GNB4: variants seen among roughly 807,000 people sequenced by gnomAD.
GNB4 encodes G protein subunit beta 4, also known as guanine nucleotide-binding protein subunit beta-4.
In GNB4, 28 loss-of-function variants were observed where a neutral mutation model predicts 45.2. The ratio of observed to expected loss-of-function variants is 0.62; its 90% CI spans 0.46 to 0.85. The LOEUF (loss-of-function observed/expected upper bound fraction) is 0.85. Among genes scored for constraint, GNB4 ranks in the 40% least tolerant of loss-of-function variants. The pLI, the probability that GNB4 is intolerant of heterozygous loss-of-function variation, is 0.00. For synonymous variants in GNB4, 132 were observed against 143.7 expected (o/e 0.92, Z 0.58); for missense variants, 321 against 425.4 (o/e 0.75, Z 2.16).
the GNB4 span, among the ~76,000 whole-genome samples, chr3:179,517,310 C>T: frequency 6.6e-6 from 1 of 152,194 alleles, no homozygotes; most frequent in Non-Finnish European, 1.5e-5. Flanking sequence ...GAACAACCCC[C>T]CTTTGACTGT....
At chr3:179,405,533 C>T in intron 8 of GNB4, 127 bp from the exon 9 acceptor site, 1 of 612,802 alleles carries the variant, frequency 1.6e-6, no homozygotes, top group Non-Finnish European at 2.8e-6. Context: ...ATGTTGGGCA[C>T]TAAAGATTCT....
chr3:179,406,356 G>A (rs1714470055), intron 8 of GNB4, among the ~76,000 whole-genome samples: 1 of 151,996 alleles, frequency 6.6e-6, no homozygotes, highest in Non-Finnish European at 1.5e-5. Context: ...CTCTTATCCT[G>A]TATTATATGT....
chr3:179,425,544 C>T (rs1240901536), intron 2 of GNB4, among the ~76,000 whole-genome samples: 7 of 152,256 alleles, frequency 4.6e-5, no homozygotes, highest in East Asian at 1.9e-4. Flanking sequence ...GAGTTCAGCT[C>T]GTTGCAACCT....
At chr3:179,464,487 C>T in the GNB4 span, 2 of 1,611,212 alleles carry the variant, frequency 1.2e-6, no homozygotes. Flanking sequence ...ACTGGCCCAG[C>T]AGATCAAGCA....
the GNB4 span, among the ~76,000 whole-genome samples, chr3:179,513,583 G>A: frequency 2.2e-4 from 34 of 151,986 alleles, no homozygotes; most frequent in Admixed American, 8.5e-4. Flanking sequence ...TTTTTAGGAT[G>A]AGTGCTTCTG....
At position 179,399,794 on chromosome 3, in the gene GNB4, C is replaced by T. The variant is rs887593071; in HGVS notation, c.*1419G>A. On this transcript the variant is annotated 3_prime_UTR_variant, in exon 10 of 10. Coordinates refer to ENST00000232564, the MANE Select transcript of GNB4 (RefSeq NM_021629.4). ...AGTAACTAAGTTACAAAACAATGCA[C>T]GTCTATATATCAGAATAATCCAAGA... The T allele has an allele frequency of 3.3e-5, 5 of 152,156 alleles. No homozygotes were observed. The highest frequency in any genetic ancestry group is 2.1e-4 in the South Asian group (1 of 4,834). The allele number at this position is 152,156 out of a possible 1,614,324, so 9.4% of individuals were successfully genotyped here.
At chr3:179,463,477 G>C in the GNB4 span, among the ~76,000 whole-genome samples, 2 of 152,110 alleles carry the variant, frequency 1.3e-5, no homozygotes, top group Admixed American at 1.3e-4. Context: ...TTTATTATGA[G>C]CCAGGCACTC....
chr3:179,520,631 C>G, the GNB4 span, among the ~76,000 whole-genome samples: 2 of 152,156 alleles, frequency 1.3e-5, no homozygotes, highest in African/African-American at 4.8e-5. Flanking sequence ...CATATACTTT[C>G]TGCTCCCCGG....
rs570524540 is a variant in GNB4 at position 179,447,962 on chromosome 3, C to T, written c.-43+3384G>A. 4.1e-4 allele frequency among the ~76,000 whole-genome samples: 62 copies of T among 152,204 alleles called. No homozygotes were observed. The Middle Eastern group carries it at 0.01, about 25-fold the overall frequency. On this transcript the variant is annotated intron_variant, in intron 1 of 9. Transcript: ENST00000232564. Reference sequence around the variant, plus strand: ...CGGTGTCCCAGAAGCCAAGGGGAAACGACATTTTGATAGGGAAGGAGTTAT... The same window carrying T: ...CGGTGTCCCAGAAGCCAAGGGGAAATGACATTTTGATAGGGAAGGAGTTAT...
At chr3:179,408,605 A>G (rs962169878) in intron 8 of GNB4, among the ~76,000 whole-genome samples, 5 of 151,918 alleles carry the variant, frequency 3.3e-5, no homozygotes, top group Non-Finnish European at 7.4e-5. Context: ...AGCCTGGCCA[A>G]TGTAATAAAA....
At chr3:179,478,232 G>A in the GNB4 span, among the ~76,000 whole-genome samples, 1 of 152,112 alleles carries the variant, frequency 6.6e-6, no homozygotes, top group South Asian at 2.1e-4. Flanking sequence ...AACCCCTCAT[G>A]ACTTAATCAC....
intron 1 of GNB4, among the ~76,000 whole-genome samples, chr3:179,431,703 T>TCAGGTTCAATATATTTGG (rs1715316997): frequency 6.6e-6 from 1 of 152,202 alleles, no homozygotes; most frequent in African/African-American, 2.4e-5. Context: ...TAGATTATAT[T>TCAGGTTCAATATATTTGG]CAGGTTCAAT....
intron 1 of GNB4, among the ~76,000 whole-genome samples, chr3:179,432,617 CTG>C (rs1182827638): frequency 6.6e-6 from 1 of 152,206 alleles, no homozygotes; most frequent in Non-Finnish European, 1.5e-5. Context: ...AGTGGCCAAA[CTG>C]TATTGACATG....
the GNB4 span, among the ~76,000 whole-genome samples, chr3:179,514,555 A>G: frequency 6.6e-6 from 1 of 152,202 alleles, no homozygotes; most frequent in South Asian, 2.1e-4. Flanking sequence ...ATGTACCCGT[A>G]TTTGGAGATA....
chr3:179,439,032 G>A (rs1457825435), intron 1 of GNB4, among the ~76,000 whole-genome samples: 7 of 152,110 alleles, frequency 4.6e-5, no homozygotes, highest in African/African-American at 9.7e-5. Context: ...GGGACCAGCA[G>A]CATCAGCATC....
At position 179,414,940 on chromosome 3, in the gene GNB4, G is replaced by A. The variant is rs772099911; in HGVS notation, c.375C>T (p.Asn125=). 1.5e-5 allele frequency: 24 copies of A among 1,610,446 alleles called. 1 individual carries two copies. In the African/African-American group the frequency reaches 2.8e-4, roughly 19 times the overall value. ...TCACATTTCCCTCTCTGGTCTTTAA[G>A]TTATATATAGAGCAGATGTTGTCCA... ...GGLDNICSIY[N]LKTREGNVRV... is the part of the protein sequence containing the mutation. Residue 125 remains asparagine, a synonymous_variant, in exon 6 of 10, where the codon AAC becomes AAT. Transcript: ENST00000232564.
chr3:179,502,041 T>C, the GNB4 span, among the ~76,000 whole-genome samples: 2 of 152,126 alleles, frequency 1.3e-5, no homozygotes, highest in East Asian at 3.9e-4. Context: ...ACGTCATTGA[T>C]ATTTCAGTGG....
the GNB4 span, among the ~76,000 whole-genome samples, chr3:179,476,119 T>C: frequency 2.0e-5 from 3 of 152,210 alleles, no homozygotes; most frequent in African/African-American, 7.2e-5. Context: ...CAAATTCCTC[T>C]CCATCTGTGA....
the GNB4 span, among the ~76,000 whole-genome samples, chr3:179,491,388 G>C: frequency 6.6e-6 from 1 of 152,194 alleles, no homozygotes; most frequent in African/African-American, 2.4e-5. Flanking sequence ...AAGGTGCTAT[G>C]ATAGAATCAT....
Sources: gnomAD v4.1 joint callset for allele counts (sites outside exome capture counted in the v4.1 genomes callset) on GRCh38, gnomAD v4.1.1 for gene constraint, MANE v1.5 for transcripts, NCBI Gene and HGNC (gene_info 2026-07-23, HGNC 2026-07-21) for gene names.